Variants in AMN1 observed in about 807,000 individuals in gnomAD.
AMN1 encodes the protein protein AMN1 homolog.
Under a neutral mutation model 33.0 loss-of-function variants are expected in AMN1, and 20 were observed. That is an observed-to-expected ratio of 0.61 (90% CI 0.43 to 0.88). The LOEUF (loss-of-function observed/expected upper bound fraction) is 0.88. Ranked by LOEUF, AMN1 falls within the 40% of genes least tolerant of loss-of-function variation. AMN1 has a pLI of 0.00. For synonymous variants in AMN1, 114 were observed against 111.9 expected (o/e 1.02, Z -0.12); for missense variants, 246 against 307.4 (o/e 0.80, Z 1.49).
In AMN1 at chr12:31,687,977, G is replaced by A. The variant is rs1040203895; in HGVS notation, c.703+1030C>T. On this transcript the variant is annotated intron_variant, in intron 6 of 6. Coordinates refer to ENST00000281471, the MANE Select transcript of AMN1 (RefSeq NM_001113402.2). This position sits in a 1 kb window ranked among gnomAD's most constrained non-coding sequence, Gnocchi z 4.1. ...GACTTTTTGTTTGTTTGTTTGAGACGGAGTTTCGCTCTTGTTGCCCAGGCT... is the reference window on the plus strand; with the variant it reads ...GACTTTTTGTTTGTTTGTTTGAGACAGAGTTTCGCTCTTGTTGCCCAGGCT... Among the ~76,000 whole-genome samples the A allele has an allele frequency of 5.9e-5, 9 of 152,182 alleles. No individual in the cohort carries two copies. Among genetic ancestry groups the A allele is most frequent in the African/African-American group, 1.7e-4 (7 of 41,522 alleles).
Position 31,709,280 on chromosome 12 carries a change from T to A in AMN1, c.171+13A>T. On this transcript the variant is annotated intron_variant, in intron 2 of 6. Coordinates refer to ENST00000281471, the MANE Select transcript of AMN1 (RefSeq NM_001113402.2). Reference sequence around the variant, plus strand: ...ATATAATATGCTTGCTTTACAGTTATTCATACTCTTACCTCACTTATATTT... The same window carrying A: ...ATATAATATGCTTGCTTTACAGTTAATCATACTCTTACCTCACTTATATTT... 1 of 1,612,406 alleles carries A rather than the reference T, an allele frequency of 6.2e-7. No individual in the cohort carries two copies. Among genetic ancestry groups the A allele is most frequent in the Non-Finnish European group, 8.5e-7 (1 of 1,179,000 alleles).
At chr12:31,682,407 A>C (rs2139660758) in intron 6 of AMN1, among the ~76,000 whole-genome samples, 1 of 150,744 alleles carries the variant, frequency 6.6e-6, no homozygotes, top group Admixed American at 6.8e-5. Flanking sequence ...AGGCAGCGAC[A>C]GTGTAGGGCG....
At chr12:31,697,314 A>T in intron 5 of AMN1, 47 bp downstream of exon 5, 3 of 1,512,190 alleles carry the variant, frequency 2.0e-6, no homozygotes, top group Non-Finnish European at 2.7e-6. Context: ...ATTTCTAAGA[A>T]TATAAAAATT....
chr12:31,713,390 T>C (rs1939545419), intron 1 of AMN1, among the ~76,000 whole-genome samples: 1 of 152,216 alleles, frequency 6.6e-6, no homozygotes, highest in South Asian at 2.1e-4. Flanking sequence ...AAATCAAGTC[T>C]TCTTTTCATT....
rs1366464862 is a variant in AMN1 at position 31,697,829 on chromosome 12, C to T, written c.445G>A (p.Gly149Ser). 16 of 1,613,860 alleles carry T rather than the reference C, an allele frequency of 9.9e-6. No individual in the cohort carries two copies. Among genetic ancestry groups the T allele is most frequent in the African/African-American group, 1.3e-5 (1 of 74,924 alleles). Residue 149 changes from glycine to serine, a missense_variant, in exon 4 of 7, where the codon GGT becomes AGT. Transcript: ENST00000281471. Reference sequence around the variant, plus strand: ...ACATCAGTAATACTTAAGCAGCCACCTAAATCGATGATCTTTAGCAGCTGG... The same window carrying T: ...ACATCAGTAATACTTAAGCAGCCACTTAAATCGATGATCTTTAGCAGCTGG... Reference protein sequence around the residue: ...NCQLLKIIDLGGCLSITDVSL... With the variant: ...NCQLLKIIDLSGCLSITDVSL...
In AMN1 at chr12:31,687,555, C is replaced by T. The variant is rs1262057106; in HGVS notation, c.703+1452G>A. Among the ~76,000 whole-genome samples, 9 of 151,858 alleles carry T rather than the reference C, an allele frequency of 5.9e-5. No individual in the cohort carries two copies. The highest frequency in any genetic ancestry group is 1.7e-4 in the African/African-American group (7 of 41,330). On this transcript the variant is annotated intron_variant, in intron 6 of 6. Transcript: ENST00000281471. The surrounding 1 kb of genome is among the most constrained non-coding windows in gnomAD (Gnocchi z 4.1). ...AAAATTAGTTGGATGTGGTGGCATG[C>T]GCCTGTAGTCCCAGCTACTTGGGAG...
intron 6 of AMN1, among the ~76,000 whole-genome samples, chr12:31,686,174 GGT>G (rs1938252651): frequency 1.3e-5 from 2 of 152,138 alleles, no homozygotes; most frequent in African/African-American, 2.4e-5. Flanking sequence ...GGCCAGGCAT[GGT>G]GATTCATGCC....
chr12:31,680,740 G>C (rs746932809), intron 6 of AMN1, among the ~76,000 whole-genome samples: 2 of 152,196 alleles, frequency 1.3e-5, no homozygotes, highest in African/African-American at 2.4e-5. Flanking sequence ...AGGTTGCTTT[G>C]AGGGTAACAA....
chr12:31,680,192 ATTTTCTTTTC>A (rs375237161), intron 6 of AMN1, among the ~76,000 whole-genome samples: 7 of 150,856 alleles, frequency 4.6e-5, no homozygotes, highest in Non-Finnish European at 8.9e-5. Context: ...TAAAACTATA[ATTTTCTTTTC>A]TTTTCTTTTC....
intron 6 of AMN1, among the ~76,000 whole-genome samples, chr12:31,686,263 T>C (rs1297146781): frequency 6.6e-6 from 1 of 151,982 alleles, no homozygotes; most frequent in East Asian, 1.9e-4. Flanking sequence ...CTGGCCAACA[T>C]GGTGAAACCC....
intron 1 of AMN1, among the ~76,000 whole-genome samples, chr12:31,709,883 A>G (rs980865474): frequency 1.1e-4 from 16 of 152,192 alleles, no homozygotes; most frequent in African/African-American, 3.6e-4. Flanking sequence ...TTAGCTCTGT[A>G]AGCTTCAAAA....
chr12:31,684,673 G>A (rs4931539), intron 6 of AMN1, among the ~76,000 whole-genome samples: 29,981 of 151,910 alleles, frequency 0.2, 3,236 homozygotes, highest in Admixed American at 0.26. Context: ...GGGTTTCACC[G>A]TGTTAGCCAG....
chr12:31,713,682 A>C (rs559729082), intron 1 of AMN1, among the ~76,000 whole-genome samples: 14 of 152,118 alleles, frequency 9.2e-5, no homozygotes, highest in Non-Finnish European at 1.9e-4. Context: ...CTCTACAAAT[A>C]ATACAAAAAT....
At chr12:31,699,392 T>G in intron 3 of AMN1, among the ~76,000 whole-genome samples, 1 of 7,404 alleles carries the variant, frequency 1.4e-4, no homozygotes, top group Non-Finnish European at 3.3e-4. Context: ...TGAGACTCTG[T>G]CTCAAAAAAA....
chr12:31,672,557 T>C (rs1171532707), intron 6 of AMN1, 180 bp from the exon 7 acceptor site: 4 of 553,546 alleles, frequency 7.2e-6, no homozygotes, highest in Non-Finnish European at 1.3e-5. Context: ...GCCCTCACTA[T>C]TATTAGGTGT....
chr12:31,722,895 A>G (rs904305616), intron 1 of AMN1, among the ~76,000 whole-genome samples: 1 of 152,116 alleles, frequency 6.6e-6, no homozygotes, highest in South Asian at 2.1e-4. Context: ...GGTGGCTCAC[A>G]CCTGTAATCC....
intron 6 of AMN1, among the ~76,000 whole-genome samples, chr12:31,679,745 A>G (rs1937909575): frequency 6.6e-6 from 1 of 152,204 alleles, no homozygotes; most frequent in Non-Finnish European, 1.5e-5. Flanking sequence ...AGAAACGGCA[A>G]TGCATGTCTG....
chr12:31,689,122 T>G lies in AMN1; in HGVS notation c.592-4A>C, dbSNP rs759631222. On this transcript the variant is annotated splice_polypyrimidine_tract_variant and splice_region_variant and intron_variant, in intron 5 of 6. Coordinates refer to ENST00000281471, the MANE Select transcript of AMN1 (RefSeq NM_001113402.2). ...CACAATGTCCCATATGAATCTCCTATGCAAAAATAAAGAAAATAAAGTCAA... is the reference window on the plus strand; with the variant it reads ...CACAATGTCCCATATGAATCTCCTAGGCAAAAATAAAGAAAATAAAGTCAA... The G allele has an allele frequency of 2.5e-6, 4 of 1,590,592 alleles. No homozygotes were observed. Among genetic ancestry groups the G allele is most frequent in the Non-Finnish European group, 3.4e-6 (4 of 1,162,098 alleles).
chr12:31,695,113 T>TGG (rs1938664737), intron 5 of AMN1, among the ~76,000 whole-genome samples: 2 of 152,206 alleles, frequency 1.3e-5, no homozygotes. Flanking sequence ...GGCACTATAA[T>TGG]CACCAACACA....
Sources: gnomAD v4.1 joint callset for allele counts (sites outside exome capture counted in the v4.1 genomes callset) on GRCh38, gnomAD v4.1.1 for gene constraint, Gnocchi (gnomAD v3.1) non-coding constraint, MANE v1.5 for transcripts, NCBI Gene and HGNC (gene_info 2026-07-23, HGNC 2026-07-21) for gene names.